The following ZNF875 variants were observed in gnomAD, a reference collection of about 807,000 sequenced individuals.
ZNF875 encodes HKR1, GLI-Kruppel zinc finger family member.
A neutral mutation model predicts 11.2 loss-of-function variants in ZNF875; 14 were observed. The ratio of observed to expected loss-of-function variants is 1.26; its 90% CI spans 0.83 to 1.96. ZNF875 has a LOEUF of 1.96. Ranked by LOEUF, ZNF875 falls within the 30% of genes most tolerant of loss-of-function variation. The pLI is 0.00. For synonymous variants in ZNF875, 301 were observed against 281.1 expected (o/e 1.07, Z -0.71); for missense variants, 752 against 760.4 (o/e 0.99, Z 0.13).
upstream of ZNF875, among the ~76,000 whole-genome samples, chr19:37,332,462 C>T (rs1401591711): frequency 2.0e-5 from 3 of 152,126 alleles, no homozygotes; most frequent in Non-Finnish European, 4.4e-5. Context: ...GGTGATCTGC[C>T]CACCTTGGCC....
At chr19:37,343,609 G>A (rs193141154) in intron 2 of ZNF875, among the ~76,000 whole-genome samples, 35 of 152,192 alleles carry the variant, frequency 2.3e-4, no homozygotes, top group Admixed American at 2.3e-3. Flanking sequence ...TCTTCAGCAG[G>A]CAAGCTCAGG....
chr19:37,362,352 G>A lies in ZNF875; in HGVS notation c.500G>A (p.Arg167Lys). The stretch of plus-strand genomic sequence containing the variant: ...GAAGACTCCAGACTCCTGTTTGGGA[G>A]AGTAAGCAAAAATGGCACTTCAAAG... Reference protein sequence around the residue: ...EGEDSRLLFGRVSKNGTSKAL... With the variant: ...EGEDSRLLFGKVSKNGTSKAL... The change falls in exon 5 of 5, where the codon AGA becomes AAA. Residue 167 changes from arginine (R) to lysine (K), a missense_variant. Physicochemically the swap from Arg to Lys is conservative, Grantham distance 26. Coordinates refer to ENST00000392153, the MANE Select transcript of ZNF875 (RefSeq NM_001353803.2). 1.2e-6 allele frequency: 2 copies of A among 1,614,142 alleles called. No homozygotes were observed. Among genetic ancestry groups the A allele is most frequent in the Non-Finnish European group, 1.7e-6 (2 of 1,180,022 alleles).
intron 4 of ZNF875, among the ~76,000 whole-genome samples, chr19:37,329,441 G>C (rs1452095964): frequency 1.3e-5 from 2 of 152,170 alleles, no homozygotes; most frequent in Non-Finnish European, 2.9e-5. Flanking sequence ...TAAATGGAGA[G>C]ACTGACTCTC....
intron 4 of ZNF875, 78 bp from the exon 5 acceptor site, chr19:37,362,031 T>C: frequency 2.5e-6 from 2 of 797,306 alleles, no homozygotes; most frequent in Non-Finnish European, 4.2e-6. Flanking sequence ...AAATATATTA[T>C]GAATGACCAG....
rs1568679386 is a variant in ZNF875, at chr19:37,363,678, C to CATAT, written c.1827_1828insTATA (p.His610TyrfsTer18). The CATAT allele has an allele frequency of 4.3e-6, 7 of 1,613,530 alleles. No individual in the cohort carries two copies. The South Asian group carries it at 7.7e-5, about 18-fold the overall frequency. On this transcript the variant is annotated frameshift_variant, in exon 5 of 5. Transcript: ENST00000392153. LOFTEE classifies it low-confidence loss of function (END_TRUNC). ...TCACACCTCATTAGACACCAGAGGA[C>CATAT]ACATTCAGGAGAGAAGCCTTATATT... is the stretch of plus-strand genomic sequence containing the variant.
intron 4 of ZNF875, among the ~76,000 whole-genome samples, chr19:37,354,957 T>TC (rs1209723984): frequency 1.3e-5 from 2 of 152,290 alleles, no homozygotes; most frequent in Admixed American, 1.3e-4. Flanking sequence ...AATTACCCAG[T>TC]CTCAGGTATT....
intron 4 of ZNF875, among the ~76,000 whole-genome samples, chr19:37,348,995 G>C (rs142444039): frequency 6.6e-6 from 1 of 152,292 alleles, no homozygotes; most frequent in Non-Finnish European, 1.5e-5. Context: ...GTGTTGGTAG[G>C]GTTGGTTCCT....
chr19:37,351,671 A>C (rs2037923289), intron 4 of ZNF875, among the ~76,000 whole-genome samples: 1 of 152,016 alleles, frequency 6.6e-6, no homozygotes, highest in African/African-American at 2.4e-5. Flanking sequence ...TTTTTAACCT[A>C]TTGGTTGTTT....
At chr19:37,343,752 C>T (rs190193019) in intron 2 of ZNF875, among the ~76,000 whole-genome samples, 1 of 152,096 alleles carries the variant, frequency 6.6e-6, no homozygotes, top group East Asian at 1.9e-4. Context: ...TGGCCAAGCC[C>T]AGGGTTAATT....
At position 37,345,615 on chromosome 19, in the gene ZNF875, C is replaced by T. The variant is rs117703190; in HGVS notation, c.34-1575C>T. Among the ~76,000 whole-genome samples, 961 of 152,230 alleles carry T rather than the reference C, an allele frequency of 6.3e-3. 27 individuals carry two copies. The highest frequency in any genetic ancestry group is 0.051 in the East Asian group (266 of 5,178). ...CTGATAGACCCCCAGCATGAGTCAC[C>T]GTCAGCCAACTGTGGTCCTACAGCA... On this transcript the variant is annotated intron_variant, in intron 2 of 4. Transcript: ENST00000392153.
At chr19:37,354,069 C>T (rs1264547718) in intron 4 of ZNF875, among the ~76,000 whole-genome samples, 1 of 151,892 alleles carries the variant, frequency 6.6e-6, no homozygotes, top group Non-Finnish European at 1.5e-5. Flanking sequence ...AGCTTCTGTT[C>T]ATTTTTCTTC....
At chr19:37,334,535 G>T (rs1437364614), upstream of ZNF875, 1 of 366,632 alleles carries the variant, frequency 2.7e-6, no homozygotes, top group African/African-American at 2.1e-5. Flanking sequence ...CCTGTGTGGT[G>T]GGCAAAGCCG....
Position 37,344,348 on chromosome 19 carries a change from A to T in ZNF875, c.34-2842A>T, listed in dbSNP as rs868096. 6.3e-3 allele frequency among the ~76,000 whole-genome samples: 959 copies of T among 152,252 alleles called. 25 individuals are homozygous for T. Among genetic ancestry groups the T allele is most frequent in the East Asian group, 0.053 (272 of 5,166 alleles). ...CCGCAATTTCTGATTCAGTAGCCCTAGGATGGGGACTGAGAATTTTTATTT... is the reference window on the plus strand; with the variant it reads ...CCGCAATTTCTGATTCAGTAGCCCTTGGATGGGGACTGAGAATTTTTATTT... On this transcript the variant is annotated intron_variant, in intron 2 of 4. Transcript: ENST00000392153.
intron 2 of ZNF875, among the ~76,000 whole-genome samples, chr19:37,339,072 G>C (rs2035115777): frequency 6.6e-6 from 1 of 151,946 alleles, no homozygotes; most frequent in African/African-American, 2.4e-5. Flanking sequence ...GCTATGTGCA[G>C]AACACTCAGT....
At position 37,362,896 on chromosome 19, in the gene ZNF875, C is replaced by T. The variant is rs762259804; in HGVS notation, c.1044C>T (p.Ser348=). 3.1e-6 allele frequency: 5 copies of T among 1,613,964 alleles called. No individual in the cohort carries two copies. In the Admixed American group the frequency reaches 6.7e-5, roughly 22 times the overall value. Residue 348 remains serine, a synonymous_variant, in exon 5 of 5, where the codon AGC becomes AGT. Coordinates refer to ENST00000392153, the MANE Select transcript of ZNF875 (RefSeq NM_001353803.2). ...YVCKECGQSF[S]LKSNLITHQR... is the part of the protein sequence containing the mutation. The stretch of plus-strand genomic sequence containing the variant: ...GCAAGGAATGTGGGCAGAGCTTTAG[C>T]CTGAAGTCAAACCTCATTACCCACC...
chr19:37,326,664 C>CTTTTTTTTTTTTTT (rs35805509), intron 4 of ZNF875, among the ~76,000 whole-genome samples: 8 of 88,098 alleles, frequency 9.1e-5, no homozygotes, highest in Middle Eastern at 9.6e-3. Context: ...AATTAGAAAG[C>CTTTTTTTTTTTTTT]TTTTTTTTTT....
At position 37,362,616 on chromosome 19, in the gene ZNF875, T is replaced by C; in HGVS notation, c.764T>C (p.Met255Thr). The C allele has an allele frequency of 6.2e-7, 1 of 1,613,876 alleles. No individual in the cohort carries two copies. The highest frequency in any genetic ancestry group is 8.5e-7 in the Non-Finnish European group (1 of 1,179,894). ...QKTQTGETPY[M>T]YTEWGDSFGS... ...ACACAAACTGGGGAGACACCTTACATGTACACTGAGTGGGGAGACAGCTTT... is the reference window on the plus strand; with the variant it reads ...ACACAAACTGGGGAGACACCTTACACGTACACTGAGTGGGGAGACAGCTTT... Residue 255 changes from methionine to threonine, a missense_variant, in exon 5 of 5, where the codon ATG (methionine) becomes ACG (threonine). Transcript: ENST00000392153.
At chr19:37,338,846 T>C (rs535762610) in intron 2 of ZNF875, among the ~76,000 whole-genome samples, 1 of 152,304 alleles carries the variant, frequency 6.6e-6, no homozygotes, top group Non-Finnish European at 1.5e-5. Context: ...AATTTCCAGA[T>C]ACTCTTGATA....
Position 37,335,209 on chromosome 19 carries a change from T to G in ZNF875, c.-16T>G, listed in dbSNP as rs548948905. 2.6e-5 allele frequency: 18 copies of G among 702,446 alleles called. No homozygotes were observed. In the East Asian group the frequency reaches 4.8e-4, roughly 19 times the overall value. The allele number at this position is 702,446 out of a possible 1,614,324, so 43.5% of individuals were successfully genotyped here. A position where few individuals can be genotyped will look rare whatever the true frequency, so the allele number is the denominator to read the frequency against. ...CTTTGCCCTTCTCCAGGAAGAGCAC[T>G]CAGGAGACCAGGAAAATGGCCACAG... On this transcript the variant is annotated 5_prime_UTR_variant, in exon 2 of 5. Coordinates refer to ENST00000392153, the MANE Select transcript of ZNF875 (RefSeq NM_001353803.2).
Sources: gnomAD v4.1 joint callset for allele counts (sites outside exome capture counted in the v4.1 genomes callset) on GRCh38, gnomAD v4.1.1 for gene constraint, MANE v1.5 for transcripts, NCBI Gene and HGNC (gene_info 2026-07-23, HGNC 2026-07-21) for gene names.